CSMD1: variants seen among roughly 807,000 people sequenced by gnomAD.
The protein encoded by CSMD1 is CUB and Sushi multiple domains 1.
CSMD1 carries 213 observed loss-of-function variants against 417.5 expected under a neutral mutation model. The ratio of observed to expected loss-of-function variants is 0.51; its 90% CI spans 0.46 to 0.57. The LOEUF (loss-of-function observed/expected upper bound fraction) is 0.57, where lower values mean the gene tolerates loss of function less well. Ranked by LOEUF, CSMD1 falls within the 20% of genes least tolerant of loss-of-function variation. CSMD1 has a pLI of 0.00. For synonymous variants in CSMD1, 2,862 were observed against 1,736.8 expected, an observed-to-expected ratio of 1.65 and a Z score of -16.11; for missense variants, 6,923 against 4,529.7, an observed-to-expected ratio of 1.53 and a Z score of -15.17.
intron 3 of CSMD1, among the ~76,000 whole-genome samples, chr8:4,208,906 A>G (rs954968375): frequency 6.6e-6 from 1 of 152,166 alleles, no homozygotes; most frequent in East Asian, 1.9e-4. Flanking sequence ...ATTTCTTTTT[A>G]TATATGCCCT....
At chr8:4,161,852 G>C (rs1001790338) in intron 3 of CSMD1, among the ~76,000 whole-genome samples, 1 of 151,814 alleles carries the variant, frequency 6.6e-6, no homozygotes, top group Non-Finnish European at 1.5e-5. Flanking sequence ...TTTTTTCTTT[G>C]CCATAGAATT....
chr8:3,525,219 C>T (rs952510468), intron 10 of CSMD1, among the ~76,000 whole-genome samples: 3 of 152,094 alleles, frequency 2.0e-5, no homozygotes, highest in Non-Finnish European at 2.9e-5. Context: ...AGGATTTGAC[C>T]TTCCTTAGGG....
chr8:4,849,973 C>T (rs906948684), intron 1 of CSMD1, among the ~76,000 whole-genome samples: 27 of 152,130 alleles, frequency 1.8e-4, no homozygotes, highest in Admixed American at 7.9e-4. Context: ...TGTGGCTGAA[C>T]TTTTTTCCAT....
chr8:3,385,650 A>G (rs1222979882), intron 18 of CSMD1, among the ~76,000 whole-genome samples: 1 of 152,196 alleles, frequency 6.6e-6, no homozygotes, highest in African/African-American at 2.4e-5. Context: ...AAATTCACTT[A>G]TATGACGGTT....
intron 5 of CSMD1, among the ~76,000 whole-genome samples, chr8:3,855,556 C>A (rs1804240863): frequency 6.6e-6 from 1 of 152,132 alleles, no homozygotes; most frequent in African/African-American, 2.4e-5. Flanking sequence ...ATGAGTTTAA[C>A]AGAAATACTG....
At chr8:4,920,929 AGAG>A (rs1290222190) in intron 1 of CSMD1, among the ~76,000 whole-genome samples, 7 of 63,500 alleles carry the variant, frequency 1.1e-4, no homozygotes, top group African/African-American at 2.3e-4. Flanking sequence ...AAGAAAAGAA[AGAG>A]AGAAAGAAAG....
At chr8:4,825,095 T>C (rs893741683) in intron 1 of CSMD1, among the ~76,000 whole-genome samples, 4 of 152,160 alleles carry the variant, frequency 2.6e-5, no homozygotes, top group African/African-American at 7.2e-5. Flanking sequence ...CATACATTTA[T>C]AACTTGATGA....
At position 4,070,503 on chromosome 8, in the gene CSMD1, G is replaced by A. The variant is rs553070481; in HGVS notation, c.416-38404C>T. Reference sequence around the variant, plus strand: ...CTCCCGAGTAGCTGGGACTACAGGCGCCCGCCACCACGGCCGGCTATTTTT... The same window carrying A: ...CTCCCGAGTAGCTGGGACTACAGGCACCCGCCACCACGGCCGGCTATTTTT... On this transcript the variant is annotated intron_variant, in intron 3 of 69. Coordinates refer to ENST00000635120, the MANE Select transcript of CSMD1 (RefSeq NM_033225.6). Among the ~76,000 whole-genome samples, 384 of 152,072 alleles carry A rather than the reference G, an allele frequency of 2.5e-3. 15 individuals are homozygous for A. The highest frequency in any genetic ancestry group is 0.023 in the Admixed American group (352 of 15,276).
intron 23 of CSMD1, among the ~76,000 whole-genome samples, chr8:3,313,587 G>T (rs937863939): frequency 6.6e-6 from 1 of 152,164 alleles, no homozygotes; most frequent in Non-Finnish European, 1.5e-5. Flanking sequence ...AGTTAGAATG[G>T]CAAGCAATCA....
chr8:4,968,902 C>A (rs1302481352), intron 1 of CSMD1, among the ~76,000 whole-genome samples: 1 of 152,158 alleles, frequency 6.6e-6, no homozygotes, highest in African/African-American at 2.4e-5. Flanking sequence ...GGGTTGCCAC[C>A]AACTACTGCA....
Position 3,396,410 on chromosome 8 carries a change from G to T in CSMD1, c.2406-29C>A, listed in dbSNP as rs374220259. 4.0e-6 allele frequency: 6 copies of T among 1,486,408 alleles called. No homozygotes were observed. In the East Asian group the frequency reaches 1.4e-4, roughly 35 times the overall value. 92.1% of individuals were successfully genotyped at this position (1,486,408 alleles called of 1,614,324 possible). On this transcript the variant is annotated intron_variant, in intron 16 of 69. Transcript: ENST00000635120. ...CAAATATATACATCCCATCAGAAAA[G>T]ACATGCAGAACTGCCAGCTTACAGA... is the stretch of plus-strand genomic sequence containing the variant.
At chr8:4,710,883 T>A (rs1808248787) in intron 1 of CSMD1, among the ~76,000 whole-genome samples, 1 of 150,976 alleles carries the variant, frequency 6.6e-6, no homozygotes, top group Admixed American at 6.6e-5. Flanking sequence ...AAAAGAACAA[T>A]GAGAAAAAAG....
chr8:3,124,450 A>T lies in CSMD1; in HGVS notation c.6242-5863T>A, dbSNP rs189213564. 6.7e-4 allele frequency among the ~76,000 whole-genome samples: 102 copies of T among 152,352 alleles called. 3 individuals are homozygous for T. Among genetic ancestry groups the T allele is most frequent in the African/African-American group, 2.2e-3 (92 of 41,584 alleles). On this transcript the variant is annotated intron_variant, in intron 41 of 69. Coordinates refer to ENST00000635120, the MANE Select transcript of CSMD1 (RefSeq NM_033225.6). Reference sequence around the variant, plus strand: ...TGTTTTGTTGAAGAAATGACGTTTAAATTAAGATCTAAGTAGGAAAATGGT... The same window carrying T: ...TGTTTTGTTGAAGAAATGACGTTTATATTAAGATCTAAGTAGGAAAATGGT...
chr8:4,625,442 G>C (rs1002631186), intron 2 of CSMD1, among the ~76,000 whole-genome samples: 1 of 151,946 alleles, frequency 6.6e-6, no homozygotes, highest in African/African-American at 2.4e-5. Flanking sequence ...TTATTTTAAT[G>C]AGTCTACATT....
At chr8:4,229,901 TACTC>T (rs879881865) in intron 3 of CSMD1, among the ~76,000 whole-genome samples, 9 of 152,242 alleles carry the variant, frequency 5.9e-5, no homozygotes, top group African/African-American at 1.4e-4. Context: ...CTTTGAGTGA[TACTC>T]AATAATATTT....
chr8:4,048,214 T>C (rs78328091), intron 3 of CSMD1, among the ~76,000 whole-genome samples: 4 of 152,192 alleles, frequency 2.6e-5, no homozygotes, highest in East Asian at 3.9e-4. Context: ...TTGAATAACA[T>C]ACCGTTCTTT....
At chr8:4,974,478 C>A (rs576248795) in intron 1 of CSMD1, among the ~76,000 whole-genome samples, 1 of 151,046 alleles carries the variant, frequency 6.6e-6, no homozygotes, top group South Asian at 2.1e-4. Flanking sequence ...TAAATCACTA[C>A]ATGTTGATGG....
At chr8:4,376,269 G>A (rs190041989) in intron 3 of CSMD1, among the ~76,000 whole-genome samples, 7 of 152,128 alleles carry the variant, frequency 4.6e-5, no homozygotes, top group Non-Finnish European at 1.5e-5. Context: ...TTCTCTGATG[G>A]TAAGAATGAC....
intron 1 of CSMD1, among the ~76,000 whole-genome samples, chr8:4,736,543 G>A (rs564578827): frequency 2.0e-4 from 30 of 152,248 alleles, no homozygotes; most frequent in South Asian, 8.3e-4. Flanking sequence ...TGACAGCTGC[G>A]GGAAAACCCC....
Sources: allele counts gnomAD v4.1 joint callset (sites outside exome capture counted in the v4.1 genomes callset), GRCh38; gene constraint gnomAD v4.1.1; transcripts MANE v1.5; gene names NCBI Gene and HGNC (gene_info 2026-07-23, HGNC 2026-07-21).